TRRAP: variants seen among roughly 807,000 people sequenced by gnomAD.
TRRAP encodes the protein transformation/transcription domain-associated protein.
A neutral mutation model predicts 438.8 loss-of-function variants in TRRAP; 41 were observed. That is an observed-to-expected ratio of 0.09 (90% CI 0.07 to 0.12). The LOEUF is 0.12. Ranked by LOEUF, TRRAP falls within the 10% of genes least tolerant of loss-of-function variation. The probability of loss-of-function intolerance (pLI) is 1.00; values close to 1 mark genes in which losing one functional copy is unlikely to be tolerated. For synonymous variants in TRRAP, 1,994 were observed against 1,962.9 expected, an observed-to-expected ratio of 1.02 and a Z score of -0.42; for missense variants, 3,122 against 5,055.1, an observed-to-expected ratio of 0.62 and a Z score of 11.60.
chr7:98,891,732 G>T (rs781787715), intron 4 of TRRAP, among the ~76,000 whole-genome samples: 1 of 149,758 alleles, frequency 6.7e-6, no homozygotes, highest in South Asian at 2.1e-4. Context: ...TAGAGACAGG[G>T]TTTCACCATG....
intron 30 of TRRAP, among the ~76,000 whole-genome samples, chr7:98,939,399 C>G (rs1211429992): frequency 1.3e-5 from 2 of 152,158 alleles, no homozygotes; most frequent in Non-Finnish European, 2.9e-5. Flanking sequence ...AGAGAAATCT[C>G]TCATATATGA....
chr7:98,952,659 G>A (rs891816205), intron 39 of TRRAP, among the ~76,000 whole-genome samples: 1 of 152,188 alleles, frequency 6.6e-6, no homozygotes, highest in East Asian at 1.9e-4. Flanking sequence ...GGTTTTGAGG[G>A]CTTCAGTATT....
chr7:98,981,130 G>A (rs967947068), intron 58 of TRRAP, among the ~76,000 whole-genome samples: 5 of 152,070 alleles, frequency 3.3e-5, no homozygotes, highest in African/African-American at 1.2e-4. Flanking sequence ...GGCCAGGCAC[G>A]GTGGCTCATG....
intron 45 of TRRAP, among the ~76,000 whole-genome samples, chr7:98,960,573 T>C (rs927925698): frequency 3.3e-5 from 5 of 152,152 alleles, no homozygotes; most frequent in South Asian, 2.1e-4. Context: ...TGCTTGTCTT[T>C]GGAAGGATAT....
At chr7:98,983,166 T>C (rs1056644218) in intron 59 of TRRAP, 98 bp from the exon 60 acceptor site, 20 of 1,146,618 alleles carry the variant, frequency 1.7e-5, no homozygotes, top group South Asian at 9.8e-5. Flanking sequence ...CATCATAAGA[T>C]CTTTGCGATA....
At position 98,899,417 on chromosome 7, in the gene TRRAP, T is replaced by C; in HGVS notation, c.634-5T>C. ...ACCCGGGTCCTACCCATTTCTGTCT[T>C]CCAGCATTCCATCATTCCGAGGGGA... On this transcript the variant is annotated splice_polypyrimidine_tract_variant and splice_region_variant and intron_variant, in intron 8 of 72. Coordinates refer to ENST00000456197, the MANE Select transcript of TRRAP (RefSeq NM_001375524.1). 6.2e-7 allele frequency: 1 copy of C among 1,614,122 alleles called. No homozygotes were observed. The highest frequency in any genetic ancestry group is 1.3e-5 in the African/African-American group (1 of 75,034).
At chr7:98,903,754 G>A (rs180709710) in intron 12 of TRRAP, among the ~76,000 whole-genome samples, 286 of 152,260 alleles carry the variant, frequency 1.9e-3, no homozygotes, top group Non-Finnish European at 3.3e-3. Context: ...AGAAAAAGAG[G>A]TTTTATGGAC....
chr7:98,965,445 C>T (rs1792109501), intron 48 of TRRAP, among the ~76,000 whole-genome samples: 1 of 152,140 alleles, frequency 6.6e-6, no homozygotes, highest in African/African-American at 2.4e-5. Context: ...GACTTCACAG[C>T]TGGGTGTGGA....
rs782026167 is a variant in TRRAP at position 98,950,992 on chromosome 7, G to A, written c.5451G>A (p.Val1817=). ...EGDNPESITS[V]FITKVLDPEK... ...ATAACCCAGAAAGCATCACCAGTGT[G>A]TTTATTACCAAGGTGGTATCACTAT... Residue 1817 remains valine, a synonymous_variant, in exon 39 of 73, where the codon GTG becomes GTA. Transcript: ENST00000456197. 2.5e-6 allele frequency: 4 copies of A among 1,600,660 alleles called. No homozygotes were observed. Among genetic ancestry groups the A allele is most frequent in the East Asian group, 2.2e-5 (1 of 44,568 alleles).
At chr7:98,903,929 C>A (rs1358428168) in intron 12 of TRRAP, among the ~76,000 whole-genome samples, 1 of 152,058 alleles carries the variant, frequency 6.6e-6, no homozygotes, top group Non-Finnish European at 1.5e-5. Context: ...CGTGCCTCAG[C>A]CTCCCAAGTA....
chr7:98,949,440 C>T lies in TRRAP; in HGVS notation c.4812C>T (p.Ala1604=), dbSNP rs201866676. The change falls in exon 36 of 73, where the codon GCC becomes GCT. Residue 1604 remains alanine, a synonymous_variant. Transcript: ENST00000456197. The stretch of plus-strand genomic sequence containing the variant: ...AGAGTTTTTTAAAACACAAAGACGC[C>T]AGACCTCTGCGGGATGTGCTGGCTG... ...MFMSFLKHKD[A]RPLRDVLAAN... is the part of the protein sequence containing the mutation. 11 of 1,581,622 alleles carry T rather than the reference C, an allele frequency of 7.0e-6. No homozygotes were observed. In the South Asian group the frequency reaches 1.3e-4, roughly 18 times the overall value.
chr7:98,888,375 T>TA (rs79723315), intron 3 of TRRAP, among the ~76,000 whole-genome samples: 1,679 of 135,906 alleles, frequency 0.012, 43 homozygotes, highest in African/African-American at 0.042. Flanking sequence ...TATCTCCACT[T>TA]AAAAAAAAAA....
In TRRAP at chr7:99,011,935, TG is replaced by T; in HGVS notation, c.11338-134del. On this transcript the variant is annotated intron_variant, in intron 72 of 72. Coordinates refer to ENST00000456197, the MANE Select transcript of TRRAP (RefSeq NM_001375524.1). This position sits in a 1 kb window ranked among gnomAD's most constrained non-coding sequence, Gnocchi z 7.1. ...CAGCCCGTCCTGAGGGCACACAGCC[TG>T]GCCTGGTGCTGAAACTCGACTGGCC... 1.7e-6 allele frequency: 2 copies of T among 1,165,780 alleles called. No homozygotes were observed. Among genetic ancestry groups the T allele is most frequent in the Non-Finnish European group, 2.4e-6 (2 of 835,184 alleles). The allele number at this position is 1,165,780 out of a possible 1,614,324, so 72.2% of individuals were successfully genotyped here. A position where few individuals can be genotyped will look rare whatever the true frequency, so the allele number is the denominator to read the frequency against.
At chr7:98,944,919 C>T (rs558058383) in intron 31 of TRRAP, among the ~76,000 whole-genome samples, 4 of 152,288 alleles carry the variant, frequency 2.6e-5, no homozygotes, top group African/African-American at 9.6e-5. Flanking sequence ...ATTCTCCTGC[C>T]TCAGCCTCCC....
chr7:98,998,351 C>T (rs1793765419), intron 67 of TRRAP, among the ~76,000 whole-genome samples: 1 of 151,972 alleles, frequency 6.6e-6, no homozygotes, highest in South Asian at 2.1e-4. Flanking sequence ...TTTTTCTCAA[C>T]TTACATTAAA....
chr7:98,988,747 T>C lies in TRRAP; in HGVS notation c.9390-18T>C, dbSNP rs1360877462. 1 of 1,612,768 alleles carries C rather than the reference T, an allele frequency of 6.2e-7. No homozygotes were observed. The highest frequency in any genetic ancestry group is 1.7e-5 in the Admixed American group (1 of 59,998). On this transcript the variant is annotated intron_variant, in intron 62 of 72. Coordinates refer to ENST00000456197, the MANE Select transcript of TRRAP (RefSeq NM_001375524.1). Reference sequence around the variant, plus strand: ...CAATTGAAAACCATACACGTTTTGGTTTTCTGTCTCCTCACAGGTCCGAGG... The same window carrying C: ...CAATTGAAAACCATACACGTTTTGGCTTTCTGTCTCCTCACAGGTCCGAGG...
rs782113313 is a variant in TRRAP, at chr7:98,953,391, C to T, written c.5688C>T (p.His1896=). Reference sequence around the variant, plus strand: ...ACAGCGGACACTTGCTCCTGGCGCACATTATCGCCAAATTCGCCATACACA... The same window carrying T: ...ACAGCGGACACTTGCTCCTGGCGCATATTATCGCCAAATTCGCCATACACA... ...CKYSGHLLLA[H]IIAKFAIHKK... Residue 1896 remains histidine, a synonymous_variant, in exon 40 of 73, where the codon CAC becomes CAT. Transcript: ENST00000456197. The T allele has an allele frequency of 1.2e-5, 20 of 1,613,352 alleles. No homozygotes were observed. In the East Asian group the frequency reaches 4.0e-4, roughly 32 times the overall value.
chr7:98,910,328 C>G lies in TRRAP; in HGVS notation c.1623C>G (p.Phe541Leu), dbSNP rs373918715. The stretch of plus-strand genomic sequence containing the variant: ...AGGACAAGGAAGACAAGCAGACATT[C>G]CAAGTCACAGACTGTCGAAGTTTGG... ...GEKDKEDKQT[F>L]QVTDCRSLVK... Residue 541 changes from phenylalanine to leucine, a missense_variant, in exon 15 of 73, where the codon TTC becomes TTG. Phe to Leu is a conservative substitution (Grantham distance 22). Transcript: ENST00000456197. The G allele has an allele frequency of 4.3e-6, 7 of 1,610,390 alleles. No homozygotes were observed. In the African/African-American group the frequency reaches 6.7e-5, roughly 15 times the overall value.
chr7:98,897,750 T>C lies in TRRAP; in HGVS notation c.517T>C (p.Phe173Leu). 1 of 1,613,758 alleles carries C rather than the reference T, an allele frequency of 6.2e-7. No homozygotes were observed. Among genetic ancestry groups the C allele is most frequent in the Non-Finnish European group, 8.5e-7 (1 of 1,179,894 alleles). ...KELPKVVNRY[F>L]ENPQVIPENT... ...TATGACTTTTATGTAGAACCGCTAC[T>C]TTGAGAACCCTCAAGTGATCCCCGA... The change falls in exon 8 of 73, where the codon TTT becomes CTT. Residue 173 changes from phenylalanine to leucine, a missense_variant. This residue lies in a region of TRRAP where 343 missense variants were observed against 564.0 expected (regional missense o/e 0.61). Coordinates refer to ENST00000456197, the MANE Select transcript of TRRAP (RefSeq NM_001375524.1).
Sources: allele counts gnomAD v4.1 joint callset (sites outside exome capture counted in the v4.1 genomes callset), GRCh38; gene constraint gnomAD v4.1.1; regional missense constraint gnomAD v4.1.1; non-coding constraint Gnocchi (gnomAD v3.1); transcripts MANE v1.5; gene names NCBI Gene and HGNC (gene_info 2026-07-23, HGNC 2026-07-21).